ZMIZ1: variants seen among roughly 807,000 people sequenced by gnomAD.
ZMIZ1 encodes the protein zinc finger MIZ-type containing 1.
A neutral mutation model predicts 113.9 loss-of-function variants in ZMIZ1; 17 were observed. That is an observed-to-expected ratio of 0.15 (90% CI 0.10 to 0.22). The LOEUF is 0.22. Among genes scored for constraint, ZMIZ1 ranks in the 10% least tolerant of loss-of-function variants. The pLI, the probability that ZMIZ1 is intolerant of heterozygous loss-of-function variation, is 1.00. For missense variants in ZMIZ1, 1,059 were observed against 1,477.8 expected, an observed-to-expected ratio of 0.72 and a Z score of 4.65; for synonymous variants, 607 against 603.1, an observed-to-expected ratio of 1.01 and a Z score of -0.09.
intron 1 of ZMIZ1, among the ~76,000 whole-genome samples, chr10:79,081,204 G>A (rs534320487): frequency 1.1e-3 from 168 of 152,248 alleles, no homozygotes; most frequent in African/African-American, 4.0e-3. Context: ...TCCTCAGGAA[G>A]TCTCTTCCAT....
chr10:79,220,413 G>T (rs1035489252), intron 7 of ZMIZ1, among the ~76,000 whole-genome samples: 8 of 152,148 alleles, frequency 5.3e-5, no homozygotes, highest in African/African-American at 1.9e-4. Flanking sequence ...GACCTGCAGT[G>T]TCCCTACCCC....
chr10:79,188,609 T>A (rs901952216), intron 4 of ZMIZ1, among the ~76,000 whole-genome samples: 4 of 152,058 alleles, frequency 2.6e-5, no homozygotes, highest in African/African-American at 9.7e-5. Context: ...GCTAGGAATC[T>A]TCCTCCTGTC....
At chr10:79,215,327 T>G in intron 6 of ZMIZ1, among the ~76,000 whole-genome samples, 1 of 145,586 alleles carries the variant, frequency 6.9e-6, no homozygotes, top group African/African-American at 2.6e-5. Flanking sequence ...TGAGAAGGAG[T>G]CTTGCTGTTC....
chr10:79,194,029 C>T (rs1348432087), intron 4 of ZMIZ1, among the ~76,000 whole-genome samples: 2 of 152,200 alleles, frequency 1.3e-5, no homozygotes, highest in East Asian at 1.9e-4. Context: ...CCTCTGGACC[C>T]CTAGGCTTTC....
At chr10:79,272,706 G>A (rs1346206338) in intron 7 of ZMIZ1, among the ~76,000 whole-genome samples, 2 of 152,262 alleles carry the variant, frequency 1.3e-5, no homozygotes, top group Non-Finnish European at 2.9e-5. Context: ...ATGGATCGAG[G>A]TGAGGGAGTC....
At chr10:79,095,868 C>T (rs938842559) in intron 1 of ZMIZ1, among the ~76,000 whole-genome samples, 1 of 152,204 alleles carries the variant, frequency 6.6e-6, no homozygotes, top group African/African-American at 2.4e-5. Context: ...GAAGCACCAG[C>T]AGACAGCAGC....
chr10:79,259,603 T>C (rs886501879), intron 7 of ZMIZ1, among the ~76,000 whole-genome samples: 6 of 152,008 alleles, frequency 3.9e-5, no homozygotes, highest in African/African-American at 1.4e-4. Flanking sequence ...CATGAAGATA[T>C]TCTCTATCAC....
chr10:79,196,472 AG>A (rs1319201000), intron 4 of ZMIZ1, among the ~76,000 whole-genome samples: 1 of 152,198 alleles, frequency 6.6e-6, no homozygotes, highest in Non-Finnish European at 1.5e-5. Flanking sequence ...GCGGGTAGAT[AG>A]GGGACCTGAA....
chr10:79,128,769 G>A (rs917189559), intron 2 of ZMIZ1, among the ~76,000 whole-genome samples: 2 of 152,180 alleles, frequency 1.3e-5, no homozygotes, highest in Non-Finnish European at 1.5e-5. Flanking sequence ...CCCTGGGTCA[G>A]TGTGACCATA....
chr10:79,192,942 G>A (rs1336997061), intron 4 of ZMIZ1, among the ~76,000 whole-genome samples: 3 of 152,080 alleles, frequency 2.0e-5, no homozygotes, highest in African/African-American at 4.8e-5. Flanking sequence ...TCCCCATCTC[G>A]TCTCCTGTCT....
chr10:79,266,323 C>T (rs1477032845), intron 7 of ZMIZ1, among the ~76,000 whole-genome samples: 1 of 152,186 alleles, frequency 6.6e-6, no homozygotes, highest in Admixed American at 6.5e-5. Flanking sequence ...GGGGCCTTCG[C>T]GTACCAGCAG....
chr10:79,253,671 G>A (rs1262824084), intron 7 of ZMIZ1, among the ~76,000 whole-genome samples: 1 of 152,194 alleles, frequency 6.6e-6, no homozygotes, highest in Non-Finnish European at 1.5e-5. Context: ...CAGGGCACTG[G>A]CAAGGTCCTG....
At chr10:79,169,737 TTTC>T (rs1846521352) in intron 4 of ZMIZ1, among the ~76,000 whole-genome samples, 1 of 152,210 alleles carries the variant, frequency 6.6e-6, no homozygotes, top group African/African-American at 2.4e-5. Flanking sequence ...TCTGGACAAG[TTTC>T]TTTCATCTTC....
chr10:79,085,655 C>A (rs1228474874), intron 1 of ZMIZ1, among the ~76,000 whole-genome samples: 2 of 152,206 alleles, frequency 1.3e-5, no homozygotes, highest in Non-Finnish European at 2.9e-5. Context: ...AATAAACACG[C>A]TTGTTAGGAT....
chr10:79,260,094 A>C (rs1851176017), intron 7 of ZMIZ1, among the ~76,000 whole-genome samples: 1 of 152,248 alleles, frequency 6.6e-6, no homozygotes, highest in Non-Finnish European at 1.5e-5. Flanking sequence ...AAGATGAAAG[A>C]GGCACAGGCG....
chr10:79,117,642 G>T (rs1305931025), intron 1 of ZMIZ1, among the ~76,000 whole-genome samples: 1 of 152,346 alleles, frequency 6.6e-6, no homozygotes, highest in African/African-American at 2.4e-5. Flanking sequence ...TGGACATGGA[G>T]TTCCTGGGTC....
intron 4 of ZMIZ1, among the ~76,000 whole-genome samples, chr10:79,171,187 A>G (rs1309810374): frequency 6.6e-6 from 1 of 152,152 alleles, no homozygotes; most frequent in Non-Finnish European, 1.5e-5. Flanking sequence ...TGCTCAGGGG[A>G]GTTAATAAGC....
chr10:79,245,152 C>G (rs1292411654), intron 7 of ZMIZ1, among the ~76,000 whole-genome samples: 1 of 152,232 alleles, frequency 6.6e-6, no homozygotes, highest in Non-Finnish European at 1.5e-5. Context: ...GTTTACACCT[C>G]GCTACATAAG....
chr10:79,252,256 C>CAGG (rs1850598012), intron 7 of ZMIZ1, among the ~76,000 whole-genome samples: 1 of 152,026 alleles, frequency 6.6e-6, no homozygotes, highest in South Asian at 2.1e-4. Flanking sequence ...TCAGGCCTAC[C>CAGG]AGGGGCCCAT....
Sources: allele counts gnomAD v4.1 joint callset (sites outside exome capture counted in the v4.1 genomes callset), GRCh38; gene constraint gnomAD v4.1.1; transcripts MANE v1.5; gene names NCBI Gene and HGNC (gene_info 2026-07-23, HGNC 2026-07-21).